The following RGS6 variants were observed in gnomAD, a reference collection of about 807,000 sequenced individuals.
RGS6 encodes regulator of G-protein signaling 6.
A neutral mutation model predicts 78.5 loss-of-function variants in RGS6; 30 were observed. That is an observed-to-expected ratio of 0.38 (90% CI 0.29 to 0.52). The LOEUF (loss-of-function observed/expected upper bound fraction) is 0.52, where lower values mean the gene tolerates loss of function less well. Ranked by LOEUF, RGS6 falls within the 20% of genes least tolerant of loss-of-function variation. RGS6 has a pLI of 0.85. For missense variants in RGS6, 495 were observed against 609.7 expected (o/e 0.81, Z 1.98); for synonymous variants, 206 against 206.0 (o/e 1.00, Z 0.00).
intron 2 of RGS6, chr14:72,022,557 A>C (rs1409024604): frequency 6.6e-6 from 1 of 152,224 alleles, no homozygotes; most frequent in East Asian, 1.9e-4. Context: ...AGAAGGAAAC[A>C]GACTTTCCTA....
chr14:72,348,059 G>T (rs566210066), intron 2 of RGS6, among the ~76,000 whole-genome samples: 4 of 152,188 alleles, frequency 2.6e-5, no homozygotes, highest in Admixed American at 2.0e-4. Context: ...GGCATATGGC[G>T]CTGCGAGAAG....
At chr14:72,267,867 G>A (rs1206278986) in intron 2 of RGS6, among the ~76,000 whole-genome samples, 1 of 152,146 alleles carries the variant, frequency 6.6e-6, no homozygotes, top group African/African-American at 2.4e-5. Flanking sequence ...ATTAATTTCT[G>A]CTCCAAAGCA....
the RGS6 span, among the ~76,000 whole-genome samples, chr14:72,624,333 CTTTTTTT>C: frequency 1.0e-5 from 1 of 97,796 alleles, no homozygotes; most frequent in African/African-American, 3.9e-5. Flanking sequence ...ACCTATGTCT[CTTTTTTT>C]TTTTTTTTTT....
intron 1 of RGS6, among the ~76,000 whole-genome samples, chr14:71,964,236 G>C (rs968955814): frequency 6.6e-6 from 1 of 152,340 alleles, no homozygotes; most frequent in Middle Eastern, 3.4e-3. Context: ...GCTGGGTGCG[G>C]TGGCGCACGC....
At chr14:72,016,402 G>C (rs1040352754) in intron 2 of RGS6, among the ~76,000 whole-genome samples, 16 of 152,154 alleles carry the variant, frequency 1.1e-4, no homozygotes, top group African/African-American at 3.9e-4. Context: ...GTCTCGCACT[G>C]TTCCCCAGGC....
intron 9 of RGS6, among the ~76,000 whole-genome samples, chr14:72,473,419 C>T (rs1056744134): frequency 2.6e-5 from 4 of 152,094 alleles, no homozygotes; most frequent in South Asian, 2.1e-4. Context: ...ACTCCAGCCT[C>T]GGCAACAGAG....
At chr14:72,291,133 G>A (rs1053192036) in intron 2 of RGS6, among the ~76,000 whole-genome samples, 5 of 151,742 alleles carry the variant, frequency 3.3e-5, no homozygotes, top group Non-Finnish European at 7.4e-5. Context: ...GTTTCAACTC[G>A]TCATTCCCTA....
intron 2 of RGS6, among the ~76,000 whole-genome samples, chr14:72,261,364 C>G (rs917033246): frequency 9.9e-5 from 15 of 152,140 alleles, no homozygotes; most frequent in Admixed American, 2.6e-4. Flanking sequence ...AGGCTACAGT[C>G]CCTTCCCCAC....
chr14:72,103,873 A>G (rs896326206), intron 2 of RGS6, among the ~76,000 whole-genome samples: 1 of 152,216 alleles, frequency 6.6e-6, no homozygotes, highest in Non-Finnish European at 1.5e-5. Context: ...GTTGCCTATA[A>G]AAGAAGGATT....
chr14:72,323,535 A>C (rs964314682), intron 2 of RGS6, among the ~76,000 whole-genome samples: 1 of 151,914 alleles, frequency 6.6e-6, no homozygotes, highest in African/African-American at 2.4e-5. Flanking sequence ...AAAATTAAGA[A>C]AGGGGGATTA....
At chr14:72,529,187 G>A (rs1259346998) in intron 15 of RGS6, among the ~76,000 whole-genome samples, 1 of 152,228 alleles carries the variant, frequency 6.6e-6, no homozygotes, top group East Asian at 1.9e-4. Flanking sequence ...TCCCTAGGCT[G>A]TGGAAAAGAG....
rs553095817 is a variant in RGS6, at chr14:71,952,797, T to G, written c.-20-11975T>G. Among the ~76,000 whole-genome samples the G allele has an allele frequency of 8.6e-5, 13 of 152,028 alleles. 1 individual carries two copies. Among genetic ancestry groups the G allele is most frequent in the South Asian group, 8.3e-4 (4 of 4,794 alleles). ...AAATGCCATGTTTTACATATAAACA[T>G]ACTGATTTTACCTGTTCCTTTTTAA... On this transcript the variant is annotated intron_variant, in intron 1 of 17. Transcript: ENST00000553525.
chr14:71,915,580 G>A, the RGS6 span, among the ~76,000 whole-genome samples: 1 of 152,108 alleles, frequency 6.6e-6, no homozygotes. Context: ...ACTCCACTTT[G>A]TATAGCCTAT....
intron 3 of RGS6, among the ~76,000 whole-genome samples, chr14:72,416,886 G>A (rs1597212834): frequency 6.6e-6 from 1 of 152,264 alleles, no homozygotes; most frequent in African/African-American, 2.4e-5. Context: ...TCTAATAATA[G>A]CATATATACC....
intron 2 of RGS6, among the ~76,000 whole-genome samples, chr14:71,984,048 C>A (rs1191096218): frequency 6.6e-6 from 1 of 152,134 alleles, no homozygotes; most frequent in Non-Finnish European, 1.5e-5. Context: ...TGATGCAGAA[C>A]TCAGGAGGAA....
chr14:71,943,868 A>G (rs1440345250), intron 1 of RGS6, among the ~76,000 whole-genome samples: 1 of 152,170 alleles, frequency 6.6e-6, no homozygotes, highest in African/African-American at 2.4e-5. Flanking sequence ...AGGATGGGCT[A>G]GTATTGGTAG....
At chr14:72,394,532 GAT>G (rs1315468043) in intron 3 of RGS6, among the ~76,000 whole-genome samples, 2 of 152,162 alleles carry the variant, frequency 1.3e-5, no homozygotes, top group African/African-American at 4.8e-5. Context: ...CTTTCTCAGG[GAT>G]GTTCCTTGCT....
chr14:71,904,692 T>A, the RGS6 span, among the ~76,000 whole-genome samples: 1 of 152,342 alleles, frequency 6.6e-6, no homozygotes, highest in Non-Finnish European at 1.5e-5. Flanking sequence ...GCAACCAAAA[T>A]TTGGTGCCTC....
At chr14:72,534,583 T>G (rs187756677) in intron 15 of RGS6, among the ~76,000 whole-genome samples, 3 of 152,360 alleles carry the variant, frequency 2.0e-5, no homozygotes, top group Admixed American at 2.0e-4. Flanking sequence ...TGCATTTCCT[T>G]TACCCATTTA....
Sources: gnomAD v4.1 joint callset for allele counts (sites outside exome capture counted in the v4.1 genomes callset) on GRCh38, gnomAD v4.1.1 for gene constraint, MANE v1.5 for transcripts, NCBI Gene and HGNC (gene_info 2026-07-23, HGNC 2026-07-21) for gene names.